The following WFDC9 variants were observed in gnomAD, a reference collection of about 807,000 sequenced individuals.
WFDC9 encodes protein WFDC9.
Under a neutral mutation model 9.5 loss-of-function variants are expected in WFDC9, and 9 were observed. The ratio of observed to expected loss-of-function variants is 0.95; its 90% CI spans 0.57 to 1.65. The LOEUF is 1.65. Among genes scored for constraint, WFDC9 ranks in the 40% most tolerant of loss-of-function variants. The probability of loss-of-function intolerance (pLI) is 0.00; values close to 1 mark genes in which losing one functional copy is unlikely to be tolerated. For synonymous variants in WFDC9, 33 were observed against 32.3 expected (o/e 1.02, Z -0.07); for missense variants, 87 against 106.7 (o/e 0.82, Z 0.81).
intron 1 of WFDC9, among the ~76,000 whole-genome samples, chr20:45,621,656 C>A (rs1464991944): frequency 2.6e-5 from 4 of 152,176 alleles, no homozygotes; most frequent in Admixed American, 6.6e-5. Flanking sequence ...ATATGACCAG[C>A]CCCCAATAGA....
intron 1 of WFDC9, among the ~76,000 whole-genome samples, chr20:45,623,981 A>G (rs1458203234): frequency 2.0e-5 from 3 of 152,110 alleles, no homozygotes; most frequent in Non-Finnish European, 4.4e-5. Context: ...TCACAAGGTC[A>G]GGAGTTCAAG....
intron 1 of WFDC9, among the ~76,000 whole-genome samples, chr20:45,625,804 A>AGTCT (rs1982204168): frequency 2.3e-5 from 1 of 42,956 alleles, no homozygotes; most frequent in South Asian, 7.4e-4. Context: ...TAGGTTCTCT[A>AGTCT]TTCTTTTTTT....
At chr20:45,624,531 G>A (rs1272705799) in intron 1 of WFDC9, among the ~76,000 whole-genome samples, 1 of 152,110 alleles carries the variant, frequency 6.6e-6, no homozygotes, top group Non-Finnish European at 1.5e-5. Context: ...TAAACATGGG[G>A]GTACATATGT....
At chr20:45,613,628 C>T (rs796761598) in intron 2 of WFDC9, among the ~76,000 whole-genome samples, 9 of 152,230 alleles carry the variant, frequency 5.9e-5, no homozygotes, top group African/African-American at 1.7e-4. Flanking sequence ...GCTTGGAGAG[C>T]AGGAATAAGC....
chr20:45,620,012 C>G (rs759113217), intron 1 of WFDC9, among the ~76,000 whole-genome samples: 2 of 151,662 alleles, frequency 1.3e-5, no homozygotes, highest in Non-Finnish European at 2.9e-5. Context: ...GGTCACAGAG[C>G]GAGACTCTGT....
Position 45,610,240 on chromosome 20 carries a change from C to T in WFDC9, c.-58-1G>A, listed in dbSNP as rs1281300130. On this transcript the variant is annotated splice_acceptor_variant, in intron 2 of 4. Coordinates refer to ENST00000326000, the MANE Select transcript of WFDC9 (RefSeq NM_147198.4). LOFTEE classifies it low-confidence loss of function (5UTR_SPLICE). ...GCAGAAGGCAAGTCTTTTCCCAATACTGCTAGACGTAGAAAATGGATTGAG... is the reference window on the plus strand; with the variant it reads ...GCAGAAGGCAAGTCTTTTCCCAATATTGCTAGACGTAGAAAATGGATTGAG... 10 of 1,434,174 alleles carry T rather than the reference C, an allele frequency of 7.0e-6. No individual in the cohort carries two copies. Among genetic ancestry groups the T allele is most frequent in the Non-Finnish European group, 9.8e-6 (10 of 1,024,498 alleles). The allele number at this position is 1,434,174 out of a possible 1,614,324, so 88.8% of individuals were successfully genotyped here. A position where few individuals can be genotyped will look rare whatever the true frequency, so the allele number is the denominator to read the frequency against.
intron 1 of WFDC9, among the ~76,000 whole-genome samples, chr20:45,623,431 G>C (rs1165375888): frequency 6.6e-6 from 1 of 151,940 alleles, no homozygotes. Context: ...CCTGAGGTCA[G>C]GAGTGGCCAA....
intron 1 of WFDC9, among the ~76,000 whole-genome samples, chr20:45,624,601 T>C (rs544324424): frequency 1.7e-3 from 254 of 152,346 alleles, no homozygotes; most frequent in Non-Finnish European, 2.8e-3. Flanking sequence ...CTGGGTCATA[T>C]GGTAGTGGAG....
intron 1 of WFDC9, among the ~76,000 whole-genome samples, chr20:45,623,721 G>A (rs1310404767): frequency 6.6e-6 from 1 of 152,138 alleles, no homozygotes; most frequent in Non-Finnish European, 1.5e-5. Flanking sequence ...ATAGTGATCA[G>A]ATCAGGGTAA....
chr20:45,614,350 G>A (rs1033310419), intron 2 of WFDC9, among the ~76,000 whole-genome samples: 3 of 152,160 alleles, frequency 2.0e-5, no homozygotes, highest in Non-Finnish European at 4.4e-5. Flanking sequence ...GGATCAGAAA[G>A]ACACAGAACT....
Position 45,608,047 on chromosome 20 carries a change from G to C in WFDC9, c.*63C>G. ...AGTGGGTGTCCCAAGAAGGAAGTAG[G>C]CAGCACTCTTCTTAGACCAGATGGT... On this transcript the variant is annotated 3_prime_UTR_variant, in exon 5 of 5. Transcript: ENST00000326000. 5 of 1,577,144 alleles carry C rather than the reference G, an allele frequency of 3.2e-6. No individual in the cohort carries two copies. Among genetic ancestry groups the C allele is most frequent in the Non-Finnish European group, 4.4e-6 (5 of 1,147,758 alleles).
intron 2 of WFDC9, among the ~76,000 whole-genome samples, chr20:45,611,328 A>G (rs1173532631): frequency 2.0e-5 from 3 of 152,168 alleles, no homozygotes; most frequent in Non-Finnish European, 4.4e-5. Flanking sequence ...ATCCTGTTCC[A>G]TAACTGGAGC....
intron 2 of WFDC9, among the ~76,000 whole-genome samples, chr20:45,610,975 T>C (rs763834445): frequency 1.3e-5 from 2 of 152,240 alleles, no homozygotes; most frequent in Non-Finnish European, 2.9e-5. Flanking sequence ...ACTTGAATCA[T>C]GACTGAAGAC....
chr20:45,623,335 G>T (rs1356071862), intron 1 of WFDC9, among the ~76,000 whole-genome samples: 1 of 152,090 alleles, frequency 6.6e-6, no homozygotes, highest in Non-Finnish European at 1.5e-5. Flanking sequence ...CCAGATCTGT[G>T]GTGTAGGTTT....
chr20:45,619,854 G>A (rs1208048340), intron 1 of WFDC9, among the ~76,000 whole-genome samples: 5 of 152,130 alleles, frequency 3.3e-5, no homozygotes, highest in East Asian at 3.9e-4. Flanking sequence ...GTGAAACCTC[G>A]TCTCTACCAA....
intron 1 of WFDC9, among the ~76,000 whole-genome samples, chr20:45,625,298 A>G (rs780404109): frequency 4.6e-5 from 7 of 152,180 alleles, no homozygotes; most frequent in Non-Finnish European, 8.8e-5. Context: ...ACCTCCTGCC[A>G]GGTCCCTCAC....
chr20:45,610,312 T>C, intron 2 of WFDC9, 73 bp from the exon 3 acceptor site: 1 of 726,794 alleles, frequency 1.4e-6, no homozygotes, highest in Non-Finnish European at 2.3e-6. Context: ...ACTATCATGT[T>C]ATTCTTTCCC....
intron 2 of WFDC9, among the ~76,000 whole-genome samples, chr20:45,610,553 AAT>A (rs1981838331): frequency 6.6e-6 from 1 of 152,242 alleles, no homozygotes; most frequent in African/African-American, 2.4e-5. Flanking sequence ...AGAGATAATC[AAT>A]ATATGTCTAT....
At chr20:45,608,897 G>A in intron 3 of WFDC9, 87 bp from the exon 4 acceptor site, 1 of 1,391,542 alleles carries the variant, frequency 7.2e-7, no homozygotes, top group Non-Finnish European at 9.5e-7. Flanking sequence ...TCTGAAACTT[G>A]AGCTCCAAGC....
Sources: gnomAD v4.1 joint callset for allele counts (sites outside exome capture counted in the v4.1 genomes callset) on GRCh38, gnomAD v4.1.1 for gene constraint, MANE v1.5 for transcripts, NCBI Gene and HGNC (gene_info 2026-07-23, HGNC 2026-07-21) for gene names.